Variants in PDSS1 observed in about 807,000 individuals in gnomAD.
PDSS1 encodes the protein decaprenyl diphosphate synthase subunit 1, also known as all trans-polyprenyl-diphosphate synthase PDSS1.
In PDSS1, 43 loss-of-function variants were observed where a neutral mutation model predicts 57.5. The ratio of observed to expected loss-of-function variants is 0.75; its 90% CI spans 0.59 to 0.96. The LOEUF (loss-of-function observed/expected upper bound fraction) is 0.96. Among genes scored for constraint, PDSS1 ranks in the 50% least tolerant of loss-of-function variants. The pLI is 0.00. For synonymous variants in PDSS1, 175 were observed against 191.3 expected (o/e 0.91, Z 0.70); for missense variants, 438 against 527.8 (o/e 0.83, Z 1.67).
intron 10 of PDSS1, among the ~76,000 whole-genome samples, chr10:26,737,662 C>A (rs185969617): frequency 7.8e-6 from 1 of 127,720 alleles, no homozygotes; most frequent in East Asian, 2.6e-4. Context: ...ACCTGGGAGG[C>A]AGAGGTTGCA....
At chr10:26,720,744 CTAAT>C (rs1835754755) in intron 6 of PDSS1, among the ~76,000 whole-genome samples, 1 of 151,922 alleles carries the variant, frequency 6.6e-6, no homozygotes, top group Non-Finnish European at 1.5e-5. Context: ...ACAAATAAAA[CTAAT>C]AAAAGAAAAA....
intron 8 of PDSS1, among the ~76,000 whole-genome samples, chr10:26,729,762 C>T (rs1836099248): frequency 6.6e-6 from 1 of 152,126 alleles, no homozygotes; most frequent in Non-Finnish European, 1.5e-5. Context: ...AATATATTAA[C>T]CCATTTATGC....
chr10:26,744,006 A>C (rs375958718), intron 11 of PDSS1, among the ~76,000 whole-genome samples: 41 of 152,236 alleles, frequency 2.7e-4, no homozygotes, highest in African/African-American at 9.6e-4. Context: ...AGTTCTAAGA[A>C]ACTGAAAATG....
At chr10:26,707,910 C>T (rs1378670019) in intron 4 of PDSS1, among the ~76,000 whole-genome samples, 1 of 152,124 alleles carries the variant, frequency 6.6e-6, no homozygotes, top group African/African-American at 2.4e-5. Flanking sequence ...AGGACTTGTC[C>T]CTCTCCTTCC....
chr10:26,716,408 T>A (rs937219394), intron 5 of PDSS1, among the ~76,000 whole-genome samples: 1 of 150,526 alleles, frequency 6.6e-6, no homozygotes, highest in African/African-American at 2.4e-5. Context: ...TTAAAAAAAT[T>A]TTTTTGGCCG....
intron 5 of PDSS1, 45 bp downstream of exon 5, chr10:26,709,813 G>T: frequency 6.3e-7 from 1 of 1,594,704 alleles, no homozygotes; most frequent in Admixed American, 1.7e-5. Context: ...TATTTGGGAA[G>T]TCTTTCTTCC....
intron 1 of PDSS1, among the ~76,000 whole-genome samples, chr10:26,699,097 A>G (rs542521919): frequency 6.6e-6 from 1 of 152,106 alleles, no homozygotes. Flanking sequence ...GTGCCAGTGC[A>G]CTCCAGCCTG....
In PDSS1 at chr10:26,735,231, C is replaced by T. The variant is rs781778025; in HGVS notation, c.832-9C>T. On this transcript the variant is annotated splice_polypyrimidine_tract_variant and intron_variant, in intron 8 of 11. Coordinates refer to ENST00000376215, the MANE Select transcript of PDSS1 (RefSeq NM_014317.5). Reference sequence around the variant, plus strand: ...AGCAGCTTATCTCAGAATGCTCTTTCTGTTTCAGGTCTCTGTTCTAGGATG... The same window carrying T: ...AGCAGCTTATCTCAGAATGCTCTTTTTGTTTCAGGTCTCTGTTCTAGGATG... The T allele has an allele frequency of 1.2e-6, 2 of 1,606,328 alleles. No individual in the cohort carries two copies. Among genetic ancestry groups the T allele is most frequent in the African/African-American group, 1.3e-5 (1 of 74,778 alleles).
chr10:26,707,601 G>A (rs908942232), intron 4 of PDSS1, among the ~76,000 whole-genome samples: 5 of 152,100 alleles, frequency 3.3e-5, no homozygotes, highest in African/African-American at 1.2e-4. Context: ...CTTATCCTGA[G>A]GCTTTTCTTC....
rs1564442314 is a variant in PDSS1, at chr10:26,746,507, C to CCAGA, written c.*36_*39dup. 1.2e-6 allele frequency: 2 copies of CCAGA among 1,609,310 alleles called. No homozygotes were observed. Among genetic ancestry groups the CCAGA allele is most frequent in the African/African-American group, 2.7e-5 (2 of 74,806 alleles). Reference sequence around the variant, plus strand: ...TCTGTTCTTTCTGGCAGCTATCTTACCAGACTGTGCCTAAAGAATTTTGTG... The same window carrying CCAGA: ...TCTGTTCTTTCTGGCAGCTATCTTACCAGACAGACTGTGCCTAAAGAATTTTGTG... On this transcript the variant is annotated 3_prime_UTR_variant, in exon 12 of 12. Transcript: ENST00000376215.
chr10:26,730,688 C>CT (rs1418994078), intron 8 of PDSS1, among the ~76,000 whole-genome samples: 1 of 152,170 alleles, frequency 6.6e-6, no homozygotes, highest in African/African-American at 2.4e-5. Context: ...GTAACTCTCC[C>CT]TTTTGCCCTG....
At chr10:26,743,776 A>G (rs1048890802) in intron 11 of PDSS1, among the ~76,000 whole-genome samples, 1 of 152,212 alleles carries the variant, frequency 6.6e-6, no homozygotes, top group Non-Finnish European at 1.5e-5. Context: ...CCAAAATTCT[A>G]GCTCCCTGTT....
intron 8 of PDSS1, among the ~76,000 whole-genome samples, chr10:26,725,489 A>C (rs1165967120): frequency 1.3e-5 from 2 of 152,058 alleles, no homozygotes; most frequent in African/African-American, 4.8e-5. Flanking sequence ...AAGGGCTATT[A>C]TGTTTTTATT....
At chr10:26,715,901 A>G (rs1835558050) in intron 5 of PDSS1, 1 of 151,492 alleles carries the variant, frequency 6.6e-6, no homozygotes, top group African/African-American at 2.5e-5. Flanking sequence ...CAAATAAGCA[A>G]TAGTGTGAAC....
At chr10:26,709,369 G>T (rs922128790) in intron 4 of PDSS1, among the ~76,000 whole-genome samples, 2 of 152,166 alleles carry the variant, frequency 1.3e-5, no homozygotes, top group African/African-American at 4.8e-5. Context: ...AGACCAGCCT[G>T]GCCAACGTGG....
chr10:26,710,027 G>A (rs529228396), intron 5 of PDSS1, among the ~76,000 whole-genome samples: 1 of 151,930 alleles, frequency 6.6e-6, no homozygotes, highest in South Asian at 2.1e-4. Context: ...GGTGGCAGGT[G>A]CCTGTAATCC....
In PDSS1 at chr10:26,710,350, A is replaced by G. The variant is rs1305592910; in HGVS notation, c.467+582A>G. ...AAGCTCTGCCTCCTGGGTTCACACC[A>G]TTCTCCTGCCTCAGCCTCCCAAGTA... is the stretch of plus-strand genomic sequence containing the variant. On this transcript the variant is annotated intron_variant, in intron 5 of 11. Coordinates refer to ENST00000376215, the MANE Select transcript of PDSS1 (RefSeq NM_014317.5). Among the ~76,000 whole-genome samples the G allele has an allele frequency of 2.3e-5, 2 of 86,596 alleles. 1 individual carries two copies. The highest frequency in any genetic ancestry group is 5.2e-5 in the Non-Finnish European group (2 of 38,122). 56.8% of individuals were successfully genotyped at this position (86,596 alleles called of 152,430 possible). A position where few individuals can be genotyped will look rare whatever the true frequency, so the allele number is the denominator to read the frequency against.
Position 26,746,340 on chromosome 10 carries a change from G to C in PDSS1, c.1115G>C (p.Gly372Ala). Reference sequence around the variant, plus strand: ...TTGTTCTGTATCTTATAGAGTGATGGTGTGCAACAAACAACCTACCTCGCC... The same window carrying C: ...TTGTTCTGTATCTTATAGAGTGATGCTGTGCAACAAACAACCTACCTCGCC... ...RARQYVLQSDGVQQTTYLAQQ... is the reference protein window; with the variant it reads ...RARQYVLQSDAVQQTTYLAQQ... The change falls in exon 12 of 12, where the codon GGT (glycine) becomes GCT (alanine). Residue 372 changes from glycine (G) to alanine (A), a missense_variant. Transcript: ENST00000376215. The C allele has an allele frequency of 1.2e-6, 2 of 1,614,090 alleles. No homozygotes were observed. The highest frequency in any genetic ancestry group is 1.7e-6 in the Non-Finnish European group (2 of 1,179,962).
intron 4 of PDSS1, among the ~76,000 whole-genome samples, chr10:26,707,410 CT>C (rs1488398930): frequency 1.1e-4 from 17 of 152,120 alleles, no homozygotes; most frequent in Non-Finnish European, 2.2e-4. Context: ...TTAACAACTG[CT>C]TGACCATCAC....
Sources: allele counts gnomAD v4.1 joint callset (sites outside exome capture counted in the v4.1 genomes callset), GRCh38; gene constraint gnomAD v4.1.1; transcripts MANE v1.5; gene names NCBI Gene and HGNC (gene_info 2026-07-23, HGNC 2026-07-21).